PTPRK: variants seen among roughly 807,000 people sequenced by gnomAD.
PTPRK encodes the protein protein tyrosine phosphatase receptor type K, also known as receptor-type tyrosine-protein phosphatase kappa.
Under a neutral mutation model 178.0 loss-of-function variants are expected in PTPRK, and 75 were observed. That is an observed-to-expected ratio of 0.42 (90% CI 0.35 to 0.51). PTPRK has a LOEUF of 0.51. PTPRK is among the 20% of genes least tolerant of loss of function. The pLI is 0.02. For synonymous variants in PTPRK, 637 were observed against 620.6 expected (o/e 1.03, Z -0.39); for missense variants, 1,441 against 1,797.8 (o/e 0.80, Z 3.59).
chr6:128,186,959 C>T (rs1802868485), intron 6 of PTPRK, among the ~76,000 whole-genome samples: 1 of 152,082 alleles, frequency 6.6e-6, no homozygotes, highest in Admixed American at 6.6e-5. Flanking sequence ...TTCCAGATGG[C>T]TCATATACTA....
intron 14 of PTPRK, among the ~76,000 whole-genome samples, chr6:128,008,825 A>G (rs186776358): frequency 1.5e-3 from 226 of 151,262 alleles, no homozygotes; most frequent in Admixed American, 3.4e-3. Context: ...ATTGTTAATA[A>G]TAACACTTCA....
At chr6:128,403,495 AG>A (rs1841284568) in intron 1 of PTPRK, among the ~76,000 whole-genome samples, 1 of 152,174 alleles carries the variant, frequency 6.6e-6, no homozygotes, top group African/African-American at 2.4e-5. Context: ...TTTCCTCCCC[AG>A]TACGATCAAA....
At chr6:128,246,172 C>G (rs1057389433) in intron 3 of PTPRK, among the ~76,000 whole-genome samples, 1 of 152,054 alleles carries the variant, frequency 6.6e-6, no homozygotes, top group Non-Finnish European at 1.5e-5. Flanking sequence ...TTTTAAAAAT[C>G]ATTTTTTTGA....
intron 6 of PTPRK, among the ~76,000 whole-genome samples, chr6:128,204,821 T>C (rs1806629883): frequency 6.6e-6 from 1 of 152,078 alleles, no homozygotes; most frequent in Admixed American, 6.6e-5. Context: ...TGTTGGAATG[T>C]AAATTAGCTC....
At chr6:128,447,732 C>T (rs540103227) in intron 1 of PTPRK, among the ~76,000 whole-genome samples, 1 of 151,742 alleles carries the variant, frequency 6.6e-6, no homozygotes, top group African/African-American at 2.4e-5. Context: ...TCAAGCAATT[C>T]TCCTGCCTCG....
chr6:128,477,854 G>A (rs1851565518), intron 1 of PTPRK, among the ~76,000 whole-genome samples: 1 of 152,012 alleles, frequency 6.6e-6, no homozygotes, highest in South Asian at 2.1e-4. Context: ...TCATAGGACA[G>A]AAATAAGAAA....
At chr6:128,369,958 T>A (rs1196254861) in intron 2 of PTPRK, among the ~76,000 whole-genome samples, 1 of 152,056 alleles carries the variant, frequency 6.6e-6, no homozygotes, top group Non-Finnish European at 1.5e-5. Context: ...TTGAAACCAT[T>A]CAAAATATTT....
At chr6:128,310,797 G>A (rs189324091) in intron 3 of PTPRK, among the ~76,000 whole-genome samples, 5 of 152,132 alleles carry the variant, frequency 3.3e-5, no homozygotes. Context: ...TATTCTCCAG[G>A]AGATCTTGGG....
At chr6:128,241,720 G>A (rs1814482222) in intron 4 of PTPRK, among the ~76,000 whole-genome samples, 1 of 151,802 alleles carries the variant, frequency 6.6e-6, no homozygotes, top group East Asian at 1.9e-4. Flanking sequence ...CAATCAATGT[G>A]CCTCTAAGGG....
intron 1 of PTPRK, among the ~76,000 whole-genome samples, chr6:128,427,366 T>C (rs1432476000): frequency 1.3e-5 from 2 of 152,128 alleles, no homozygotes; most frequent in African/African-American, 2.4e-5. Context: ...GCCACACCAC[T>C]CCCTTGCCTG....
intron 1 of PTPRK, among the ~76,000 whole-genome samples, chr6:128,459,965 A>G (rs867438622): frequency 6.6e-5 from 10 of 152,268 alleles, no homozygotes; most frequent in Middle Eastern, 6.8e-3. Context: ...GAGCAGGACC[A>G]AGAGAAAGAA....
intron 1 of PTPRK, among the ~76,000 whole-genome samples, chr6:128,412,140 T>C (rs1842375822): frequency 6.6e-6 from 1 of 152,228 alleles, no homozygotes; most frequent in South Asian, 2.1e-4. Context: ...TTCTATGAGA[T>C]GGAGTGTTAA....
chr6:127,998,665 C>A, intron 16 of PTPRK, 55 bp downstream of exon 16: 1 of 1,420,844 alleles, frequency 7.0e-7, no homozygotes, highest in Non-Finnish European at 9.5e-7. Flanking sequence ...ATGCTAAATT[C>A]CACTGAGTAT....
intron 5 of PTPRK, chr6:128,237,960 T>C: frequency 7.3e-6 from 3 of 410,056 alleles, no homozygotes; most frequent in Non-Finnish European, 1.4e-5. Context: ...AAAGTTTTTA[T>C]TTTAATTTGA....
At chr6:128,252,118 A>C (rs1816557981) in intron 3 of PTPRK, among the ~76,000 whole-genome samples, 1 of 152,226 alleles carries the variant, frequency 6.6e-6, no homozygotes, top group Admixed American at 6.5e-5. Flanking sequence ...ACTTCATACA[A>C]AAGTAGCCTG....
chr6:128,279,010 C>G (rs1821251105), intron 3 of PTPRK, among the ~76,000 whole-genome samples: 1 of 152,034 alleles, frequency 6.6e-6, no homozygotes, highest in African/African-American at 2.4e-5. Context: ...GGGGTAGAAT[C>G]CAGACTGGTT....
chr6:128,481,019 C>T (rs1053154672), intron 1 of PTPRK, among the ~76,000 whole-genome samples: 2 of 151,762 alleles, frequency 1.3e-5, no homozygotes, highest in African/African-American at 4.8e-5. Flanking sequence ...GTACACATAC[C>T]ATACCCTGGA....
chr6:128,488,873 C>A (rs1173408434), intron 1 of PTPRK, among the ~76,000 whole-genome samples: 4 of 151,478 alleles, frequency 2.6e-5, no homozygotes, highest in Non-Finnish European at 5.9e-5. Flanking sequence ...ACTTTTTCAG[C>A]TTGTACCAAC....
chr6:128,204,464 C>T (rs1357203706), intron 6 of PTPRK, among the ~76,000 whole-genome samples: 2 of 152,094 alleles, frequency 1.3e-5, no homozygotes, highest in Admixed American at 1.3e-4. Flanking sequence ...AAGAAATTAA[C>T]ATCAGAGTGA....
Sources: gnomAD v4.1 joint callset for allele counts (sites outside exome capture counted in the v4.1 genomes callset) on GRCh38, gnomAD v4.1.1 for gene constraint, MANE v1.5 for transcripts, NCBI Gene and HGNC (gene_info 2026-07-23, HGNC 2026-07-21) for gene names.